Variants in BRINP3 observed in about 807,000 individuals in gnomAD.
BRINP3 encodes the protein BMP/retinoic acid-inducible neural-specific protein 3.
Under a neutral mutation model 71.0 loss-of-function variants are expected in BRINP3, and 19 were observed. That is an observed-to-expected ratio of 0.27 (90% CI 0.19 to 0.39). The LOEUF (loss-of-function observed/expected upper bound fraction) is 0.39. Ranked by LOEUF, BRINP3 falls within the 10% of genes least tolerant of loss-of-function variation. The pLI is 1.00. For synonymous variants in BRINP3, 380 were observed against 337.7 expected, an observed-to-expected ratio of 1.13 and a Z score of -1.37; for missense variants, 959 against 940.8, an observed-to-expected ratio of 1.02 and a Z score of -0.25.
intron 7 of BRINP3, among the ~76,000 whole-genome samples, chr1:190,115,742 G>A (rs999093939): frequency 6.6e-6 from 1 of 152,134 alleles, no homozygotes; most frequent in Non-Finnish European, 1.5e-5. Flanking sequence ...AGAGCAGTCA[G>A]CAATAACTGT....
chr1:190,252,638 T>G (rs1410324384), intron 4 of BRINP3, among the ~76,000 whole-genome samples: 1 of 152,082 alleles, frequency 6.6e-6, no homozygotes, highest in Non-Finnish European at 1.5e-5. Flanking sequence ...TGAGTTAGGT[T>G]CATTTAATTT....
chr1:190,364,009 C>A (rs778560079), intron 2 of BRINP3, among the ~76,000 whole-genome samples: 8 of 151,684 alleles, frequency 5.3e-5, no homozygotes, highest in Non-Finnish European at 8.8e-5. Context: ...AAATGATATC[C>A]CAAATATTAG....
intron 2 of BRINP3, among the ~76,000 whole-genome samples, chr1:190,371,611 G>A (rs1164330311): frequency 1.3e-5 from 2 of 152,026 alleles, no homozygotes; most frequent in Non-Finnish European, 2.9e-5. Flanking sequence ...GTAGTGTGAC[G>A]GCTACAGGGG....
intron 4 of BRINP3, among the ~76,000 whole-genome samples, chr1:190,242,437 A>G (rs1417478738): frequency 6.6e-6 from 1 of 152,096 alleles, no homozygotes; most frequent in Non-Finnish European, 1.5e-5. Flanking sequence ...AAAATAGTGT[A>G]TGATATATTA....
chr1:190,108,050 C>G (rs936975773), intron 7 of BRINP3, among the ~76,000 whole-genome samples: 1 of 151,768 alleles, frequency 6.6e-6, no homozygotes, highest in African/African-American at 2.4e-5. Flanking sequence ...GATGGAGATA[C>G]TGGAGCTGAA....
Position 190,154,381 on chromosome 1 carries a change from C to A in BRINP3, c.1184+6287G>T, listed in dbSNP as rs558877856. On this transcript the variant is annotated intron_variant, in intron 7 of 7. Transcript: ENST00000367462. ...GGCATTCTCTATCCTAAAGAGTGATCCACATAGCCCTGGGTGTAGGTGGGA... is the reference window on the plus strand; with the variant it reads ...GGCATTCTCTATCCTAAAGAGTGATACACATAGCCCTGGGTGTAGGTGGGA... Among the ~76,000 whole-genome samples, 6 of 152,250 alleles carry A rather than the reference C, an allele frequency of 3.9e-5. No individual in the cohort carries two copies. In the South Asian group the frequency reaches 1.2e-3, roughly 32 times the overall value.
rs1176382894 is a variant in BRINP3 at position 190,097,746 on chromosome 1, C to T, written c.*272G>A. 7 of 332,692 alleles carry T rather than the reference C, an allele frequency of 2.1e-5. No individual in the cohort carries two copies. The highest frequency in any genetic ancestry group is 6.5e-5 in the South Asian group (1 of 15,356). 20.6% of individuals were successfully genotyped at this position (332,692 alleles called of 1,614,324 possible). On this transcript the variant is annotated 3_prime_UTR_variant, in exon 8 of 8. Transcript: ENST00000367462. ...GATGTAATGCACAAAAGCATTGCCA[C>T]GGAACATATAAAATTACAAATGAAA...
At chr1:190,417,983 T>C (rs1469536893) in intron 2 of BRINP3, among the ~76,000 whole-genome samples, 2 of 152,196 alleles carry the variant, frequency 1.3e-5, no homozygotes, top group Non-Finnish European at 2.9e-5. Context: ...TCTATGAATT[T>C]AGATAATTAG....
chr1:190,430,666 A>G (rs1674035784), intron 2 of BRINP3, among the ~76,000 whole-genome samples: 1 of 152,200 alleles, frequency 6.6e-6, no homozygotes, highest in East Asian at 1.9e-4. Context: ...TGCAACTTCA[A>G]CTATTATAAG....
intron 7 of BRINP3, among the ~76,000 whole-genome samples, chr1:190,159,980 G>T (rs1407890668): frequency 6.6e-6 from 1 of 151,902 alleles, no homozygotes; most frequent in Non-Finnish European, 1.5e-5. Flanking sequence ...TTTTATGTAA[G>T]ATATACTGAT....
chr1:190,141,263 G>T (rs1208349689), intron 7 of BRINP3, among the ~76,000 whole-genome samples: 1 of 151,790 alleles, frequency 6.6e-6, no homozygotes, highest in Non-Finnish European at 1.5e-5. Flanking sequence ...ATATTTTATA[G>T]ATGTTCTGCT....
intron 7 of BRINP3, among the ~76,000 whole-genome samples, chr1:190,127,726 C>G (rs898865302): frequency 6.6e-6 from 1 of 151,806 alleles, no homozygotes; most frequent in African/African-American, 2.4e-5. Flanking sequence ...ATTTCCTGCC[C>G]TAGCAATTAT....
At chr1:190,385,775 T>C (rs1179433622) in intron 2 of BRINP3, among the ~76,000 whole-genome samples, 1 of 151,916 alleles carries the variant, frequency 6.6e-6, no homozygotes, top group East Asian at 1.9e-4. Context: ...TAAAGACACA[T>C]GCACACATAT....
At chr1:190,369,654 A>AT (rs1040829302) in intron 2 of BRINP3, among the ~76,000 whole-genome samples, 9 of 9,156 alleles carry the variant, frequency 9.8e-4, no homozygotes, top group Non-Finnish European at 2.1e-3. Context: ...GCATAGACTT[A>AT]AAAAAAAGTA....
chr1:190,106,482 A>G (rs1652176729), intron 7 of BRINP3, among the ~76,000 whole-genome samples: 1 of 151,542 alleles, frequency 6.6e-6, no homozygotes, highest in Non-Finnish European at 1.5e-5. Context: ...TATTATTTTT[A>G]AAAGGTCATT....
intron 3 of BRINP3, among the ~76,000 whole-genome samples, chr1:190,271,091 T>A (rs1250243744): frequency 2.0e-5 from 3 of 151,652 alleles, no homozygotes; most frequent in Admixed American, 6.6e-5. Flanking sequence ...TCTCCCTTTG[T>A]ATGGTAGTGA....
intron 6 of BRINP3, among the ~76,000 whole-genome samples, chr1:190,207,733 T>C (rs930507578): frequency 6.6e-6 from 1 of 152,140 alleles, no homozygotes; most frequent in South Asian, 2.1e-4. Context: ...CATTTACAAA[T>C]GCATATAAAA....
intron 6 of BRINP3, among the ~76,000 whole-genome samples, chr1:190,186,399 G>T (rs1653528532): frequency 1.3e-5 from 2 of 151,886 alleles, no homozygotes. Context: ...AAACAAAAAA[G>T]TAAAATTAGT....
Position 190,475,615 on chromosome 1 carries a change from G to A in BRINP3, c.-51+1833C>T, listed in dbSNP as rs142274302. Reference sequence around the variant, plus strand: ...CACCTTGCTCTCCTCCGTTCCCTGAGCTCAGGTGGCATAGGCGTTGCCGTG... The same window carrying A: ...CACCTTGCTCTCCTCCGTTCCCTGAACTCAGGTGGCATAGGCGTTGCCGTG... On this transcript the variant is annotated intron_variant, in intron 1 of 7. Transcript: ENST00000367462. 8.4e-3 allele frequency among the ~76,000 whole-genome samples: 1,281 copies of A among 152,298 alleles called. 13 individuals are homozygous for A. Among genetic ancestry groups the A allele is most frequent in the Non-Finnish European group, 0.012 (819 of 68,024 alleles).
Sources: gnomAD v4.1 joint callset for allele counts (sites outside exome capture counted in the v4.1 genomes callset) on GRCh38, gnomAD v4.1.1 for gene constraint, MANE v1.5 for transcripts, NCBI Gene and HGNC (gene_info 2026-07-23, HGNC 2026-07-21) for gene names.